The following RALYL variants were observed in gnomAD, a reference collection of about 807,000 sequenced individuals.
RALYL encodes RNA-binding Raly-like protein.
In RALYL, 29 loss-of-function variants were observed where a neutral mutation model predicts 35.1. That is an observed-to-expected ratio of 0.83 (90% confidence interval 0.61 to 1.13). The LOEUF (loss-of-function observed/expected upper bound fraction) is 1.13, where lower values mean the gene tolerates loss of function less well. RALYL is among the 50% of genes most tolerant of loss of function. The pLI, the probability that RALYL is intolerant of heterozygous loss-of-function variation, is 0.00. For synonymous variants in RALYL, 120 were observed against 127.6 expected, an observed-to-expected ratio of 0.94 and a Z score of 0.40; for missense variants, 359 against 360.4, an observed-to-expected ratio of 1.00 and a Z score of 0.03.
chr8:84,529,272 T>TTTTG lies in RALYL; in HGVS notation c.-23-7_-23-4dup, dbSNP rs747694999. ...TAATGATTTACCTTTTGATTATTTG[T>TTTTG]TTTGTTTGTTTGTTTGTTTGTTTAA... On this transcript the variant is annotated intron_variant, in intron 1 of 8. Transcript: ENST00000521268. 366 of 1,544,514 alleles carry TTTTG rather than the reference T, an allele frequency of 2.4e-4. 2 individuals carry two copies. Among genetic ancestry groups the TTTTG allele is most frequent in the South Asian group, 4.4e-4 (37 of 83,806 alleles).
At chr8:84,520,625 C>T (rs958479520) in intron 1 of RALYL, among the ~76,000 whole-genome samples, 1 of 152,114 alleles carries the variant, frequency 6.6e-6, no homozygotes, top group African/African-American at 2.4e-5. Context: ...GGTGAGTGGC[C>T]GGTGAGGCAC....
At chr8:84,901,676 A>C (rs940645226) in intron 8 of RALYL, among the ~76,000 whole-genome samples, 1 of 152,108 alleles carries the variant, frequency 6.6e-6, no homozygotes, top group African/African-American at 2.4e-5. Context: ...AATATATCAG[A>C]GGATGTTTTA....
At chr8:84,905,389 A>T (rs1846317885) in intron 8 of RALYL, among the ~76,000 whole-genome samples, 1 of 152,180 alleles carries the variant, frequency 6.6e-6, no homozygotes, top group African/African-American at 2.4e-5. Context: ...GTGTAAGAGT[A>T]CACATAACTC....
intron 2 of RALYL, among the ~76,000 whole-genome samples, chr8:84,617,771 A>G (rs1397544389): frequency 1.3e-5 from 2 of 151,444 alleles, no homozygotes; most frequent in East Asian, 3.9e-4. Flanking sequence ...CGTCCCATCA[A>G]TACCTAATTT....
At chr8:84,413,655 T>C (rs2044324463) in intron 1 of RALYL, among the ~76,000 whole-genome samples, 2 of 152,180 alleles carry the variant, frequency 1.3e-5, no homozygotes, top group East Asian at 1.9e-4. Context: ...AGAACATCCA[T>C]AAAAGTGCCA....
chr8:84,609,156 T>G (rs1817776177), intron 2 of RALYL, among the ~76,000 whole-genome samples: 1 of 152,044 alleles, frequency 6.6e-6, no homozygotes, highest in Non-Finnish European at 1.5e-5. Flanking sequence ...GCTCCATACA[T>G]CAAAGAGATT....
chr8:84,692,555 A>T (rs1010906810), intron 2 of RALYL, among the ~76,000 whole-genome samples: 1 of 152,034 alleles, frequency 6.6e-6, no homozygotes, highest in Non-Finnish European at 1.5e-5. Context: ...TCACAAATTA[A>T]TCTATAGATT....
chr8:84,187,147 T>A (rs1394987124), intron 1 of RALYL, among the ~76,000 whole-genome samples: 1 of 152,144 alleles, frequency 6.6e-6, no homozygotes. Flanking sequence ...GATCACTATC[T>A]GACCTCAAAC....
At chr8:84,770,096 G>A (rs987304730) in intron 2 of RALYL, among the ~76,000 whole-genome samples, 2 of 151,680 alleles carry the variant, frequency 1.3e-5, no homozygotes, top group South Asian at 2.1e-4. Context: ...GTGGTATTTG[G>A]TTACATAAAT....
intron 2 of RALYL, among the ~76,000 whole-genome samples, chr8:84,697,975 A>G (rs890897256): frequency 6.6e-6 from 1 of 152,158 alleles, no homozygotes; most frequent in Non-Finnish European, 1.5e-5. Flanking sequence ...AACTCCAATA[A>G]TTCCAACTAA....
intron 1 of RALYL, among the ~76,000 whole-genome samples, chr8:84,360,944 C>A (rs1852868648): frequency 6.8e-6 from 1 of 147,260 alleles, no homozygotes; most frequent in Non-Finnish European, 1.5e-5. Flanking sequence ...CATTCAACAA[C>A]TTTTCAAATG....
intron 1 of RALYL, among the ~76,000 whole-genome samples, chr8:84,320,584 A>G (rs1279906420): frequency 5.3e-5 from 8 of 152,084 alleles, no homozygotes; most frequent in Non-Finnish European, 1.5e-5. Flanking sequence ...AAGATACAGA[A>G]TTTAAATGTT....
Position 84,651,085 on chromosome 8 carries a change from C to T in RALYL, c.256+121508C>T, listed in dbSNP as rs776108935. ...GGGGACTGTTGTGGGGTGGGGGTAGCGGGGAAGGATAGCTTTAGGAGATAT... is the reference window on the plus strand; with the variant it reads ...GGGGACTGTTGTGGGGTGGGGGTAGTGGGGAAGGATAGCTTTAGGAGATAT... On this transcript the variant is annotated intron_variant, in intron 2 of 8. Transcript: ENST00000521268. 6.0e-5 allele frequency among the ~76,000 whole-genome samples: 9 copies of T among 151,056 alleles called. No homozygotes were observed. The South Asian group carries it at 6.3e-4, about 11-fold the overall frequency.
At chr8:84,909,774 G>A (rs560345765) in intron 8 of RALYL, among the ~76,000 whole-genome samples, 1 of 152,110 alleles carries the variant, frequency 6.6e-6, no homozygotes, top group Admixed American at 6.6e-5. Context: ...AATATTTAAA[G>A]TACTTAAAAG....
intron 1 of RALYL, among the ~76,000 whole-genome samples, chr8:84,373,411 G>A (rs564321206): frequency 3.3e-5 from 5 of 152,078 alleles, no homozygotes; most frequent in Admixed American, 2.6e-4. Context: ...TATATGGAAG[G>A]AGTCCAGTTT....
chr8:84,346,359 C>T (rs1020481398), intron 1 of RALYL, among the ~76,000 whole-genome samples: 4 of 151,986 alleles, frequency 2.6e-5, no homozygotes, highest in Non-Finnish European at 4.4e-5. Context: ...TAAATGGTTA[C>T]TGTTTGTCAT....
At chr8:84,407,053 CACACACACACACACAA>C (rs934203704) in intron 1 of RALYL, among the ~76,000 whole-genome samples, 5 of 148,216 alleles carry the variant, frequency 3.4e-5, no homozygotes, top group African/African-American at 1.0e-4. Flanking sequence ...CACACTCACA[CACACACACACACACAA>C]ACACACACAC....
intron 1 of RALYL, among the ~76,000 whole-genome samples, chr8:84,249,154 A>C (rs1829707125): frequency 6.6e-6 from 1 of 152,132 alleles, no homozygotes. Context: ...AATACAAAGG[A>C]GATGATATTC....
chr8:84,463,320 T>C (rs535065633), intron 1 of RALYL, among the ~76,000 whole-genome samples: 2 of 152,152 alleles, frequency 1.3e-5, no homozygotes, highest in East Asian at 3.9e-4. Flanking sequence ...TATTAAGCTT[T>C]AAATCACTGG....
Sources: allele counts gnomAD v4.1 joint callset (sites outside exome capture counted in the v4.1 genomes callset), GRCh38; gene constraint gnomAD v4.1.1; transcripts MANE v1.5; gene names NCBI Gene and HGNC (gene_info 2026-07-23, HGNC 2026-07-21).